Variants in ERG observed in about 807,000 individuals in gnomAD.
ERG encodes ETS transcription factor ERG.
Under a neutral mutation model 55.3 loss-of-function variants are expected in ERG, and 9 were observed. The ratio of observed to expected loss-of-function variants is 0.16; its 90% CI spans 0.10 to 0.28. ERG has a LOEUF of 0.28. ERG is among the 10% of genes least tolerant of loss of function. The pLI is 1.00. For missense variants in ERG, 434 were observed against 631.6 expected, an observed-to-expected ratio of 0.69 and a Z score of 3.35; for synonymous variants, 223 against 237.3, an observed-to-expected ratio of 0.94 and a Z score of 0.55.
intron 1 of ERG, among the ~76,000 whole-genome samples, chr21:38,453,814 G>C (rs1028455398): frequency 6.6e-6 from 1 of 151,682 alleles, no homozygotes; most frequent in African/African-American, 2.4e-5. Flanking sequence ...AACCCGGGAG[G>C]GGGAGGCTGC....
intron 2 of ERG, among the ~76,000 whole-genome samples, chr21:38,505,126 C>G (rs2059450380): frequency 6.6e-6 from 1 of 152,144 alleles, no homozygotes; most frequent in African/African-American, 2.4e-5. Flanking sequence ...TTATTTCCAT[C>G]ACAAATGGAA....
chr21:38,458,105 G>A (rs1047522254), intron 1 of ERG, among the ~76,000 whole-genome samples: 1 of 152,304 alleles, frequency 6.6e-6, no homozygotes, highest in African/African-American at 2.4e-5. Context: ...CCAGCCGACT[G>A]GAGCACTGAG....
chr21:38,475,341 C>T (rs1159668137), intron 1 of ERG, among the ~76,000 whole-genome samples: 1 of 152,116 alleles, frequency 6.6e-6, no homozygotes, highest in African/African-American at 2.4e-5. Flanking sequence ...TAGTAGCAAC[C>T]CATGACCAAG....
At chr21:38,396,434 C>A (rs1250101175) in intron 6 of ERG, among the ~76,000 whole-genome samples, 2 of 152,214 alleles carry the variant, frequency 1.3e-5, no homozygotes, top group African/African-American at 4.8e-5. Context: ...TCTCACTATG[C>A]CTAGCTGTGC....
Position 38,382,733 on chromosome 21 carries a change from T to A in ERG, c.*670A>T, listed in dbSNP as rs2146409037. On this transcript the variant is annotated 3_prime_UTR_variant, in exon 10 of 10. Transcript: ENST00000288319. ...TGTCTACAATCACACGCTCACTCTATACACATCCTCAGTCCCACCTTTTAG... is the reference window on the plus strand; with the variant it reads ...TGTCTACAATCACACGCTCACTCTAAACACATCCTCAGTCCCACCTTTTAG... 1 of 1,066,414 alleles carries A rather than the reference T, an allele frequency of 9.4e-7. No homozygotes were observed. Among genetic ancestry groups the A allele is most frequent in the South Asian group, 4.5e-5 (1 of 21,982 alleles). 66.1% of individuals were successfully genotyped at this position (1,066,414 alleles called of 1,614,324 possible). A position where few individuals can be genotyped will look rare whatever the true frequency, so the allele number is the denominator to read the frequency against.
At chr21:38,637,306 C>T (rs780850685) in intron 1 of ERG, among the ~76,000 whole-genome samples, 1 of 152,118 alleles carries the variant, frequency 6.6e-6, no homozygotes, top group Admixed American at 6.5e-5. Context: ...GCAAACGGAA[C>T]CTGACTGAAT....
intron 1 of ERG, among the ~76,000 whole-genome samples, chr21:38,593,035 G>A (rs1425025796): frequency 1.3e-5 from 2 of 152,194 alleles, no homozygotes; most frequent in Non-Finnish European, 2.9e-5. Context: ...AGCCCAAGAC[G>A]TTCTTGGACC....
chr21:38,602,205 G>A (rs2060168312), intron 1 of ERG, among the ~76,000 whole-genome samples: 1 of 152,154 alleles, frequency 6.6e-6, no homozygotes, highest in African/African-American at 2.4e-5. Flanking sequence ...AGCACTTTGG[G>A]AGGCTGTGGC....
intron 6 of ERG, among the ~76,000 whole-genome samples, chr21:38,396,611 T>A (rs937263566): frequency 7.2e-5 from 11 of 152,176 alleles, no homozygotes; most frequent in African/African-American, 2.7e-4. Flanking sequence ...TGGGTTGTCA[T>A]GGGGATGGAA....
intron 1 of ERG, among the ~76,000 whole-genome samples, chr21:38,478,894 C>T (rs114477057): frequency 2.0e-5 from 3 of 152,254 alleles, no homozygotes; most frequent in African/African-American, 7.2e-5. Context: ...TTAGTCCAGG[C>T]TTGACACATA....
In ERG at chr21:38,592,025, G is replaced by T. The variant is rs191268506; in HGVS notation, c.-149-7080C>A. ...CGTTACTGTCTGGGGAAGAGGTAGA[G>T]GAAATGCCATGTTTCACAGCACAAT... On this transcript the variant is annotated intron_variant, in intron 1 of 10. Transcript: ENST00000398910. 1.4e-3 allele frequency among the ~76,000 whole-genome samples: 215 copies of T among 152,336 alleles called. 1 individual carries two copies. Among genetic ancestry groups the T allele is most frequent in the African/African-American group, 4.6e-3 (191 of 41,568 alleles).
intron 3 of ERG, among the ~76,000 whole-genome samples, chr21:38,418,131 CAA>C (rs539605052): frequency 1.0e-3 from 156 of 152,156 alleles, no homozygotes; most frequent in Non-Finnish European, 1.8e-3. Context: ...AAAAATAATT[CAA>C]GTCTATTAAA....
At chr21:38,440,871 C>CCAAG (rs1038474531) in intron 2 of ERG, among the ~76,000 whole-genome samples, 2 of 151,750 alleles carry the variant, frequency 1.3e-5, no homozygotes, top group African/African-American at 2.4e-5. Flanking sequence ...TTTGTCTGCC[C>CCAAG]CAAGGCTGCC....
chr21:38,579,312 T>A (rs1188529916), intron 1 of ERG, among the ~76,000 whole-genome samples: 2 of 152,034 alleles, frequency 1.3e-5, no homozygotes, highest in African/African-American at 4.8e-5. Flanking sequence ...AGTACTCAGG[T>A]TGCATCAAGT....
chr21:38,502,563 G>C (rs1053086764), upstream of ERG: 2 of 153,484 alleles, frequency 1.3e-5, no homozygotes, highest in African/African-American at 4.8e-5. Flanking sequence ...AACAGTATTG[G>C]AACGGTGGTA....
At chr21:38,652,219 C>T (rs1348533832) in intron 1 of ERG, among the ~76,000 whole-genome samples, 1 of 152,116 alleles carries the variant, frequency 6.6e-6, no homozygotes, top group African/African-American at 2.4e-5. Context: ...CCTGACTCCT[C>T]CACCCTCCCG....
At chr21:38,503,952 C>T (rs1019288955) in intron 2 of ERG, among the ~76,000 whole-genome samples, 59 of 152,150 alleles carry the variant, frequency 3.9e-4, no homozygotes, top group African/African-American at 1.4e-3. Context: ...TCACAGCATA[C>T]TTCATGATTA....
rs948208790 is a variant in ERG, at chr21:38,460,093, C to T, written c.19-14472G>A. 4.6e-5 allele frequency among the ~76,000 whole-genome samples: 7 copies of T among 152,128 alleles called. No homozygotes were observed. The highest frequency in any genetic ancestry group is 2.1e-4 in the South Asian group (1 of 4,820). On this transcript the variant is annotated intron_variant, in intron 1 of 9. Transcript: ENST00000288319. This position sits in a 1 kb window ranked among gnomAD's most constrained non-coding sequence, Gnocchi z 5.0. Reference sequence around the variant, plus strand: ...AACGCGAAGGAGGGGAGGGTGTGAGCCCCCATGCATTCATGAAGAATAGGC... The same window carrying T: ...AACGCGAAGGAGGGGAGGGTGTGAGTCCCCATGCATTCATGAAGAATAGGC...
chr21:38,502,259 T>C (rs778414569), upstream of ERG, among the ~76,000 whole-genome samples: 1 of 152,174 alleles, frequency 6.6e-6, no homozygotes, highest in Non-Finnish European at 1.5e-5. Flanking sequence ...CTTAGCAATA[T>C]GGAAAACTGC....
Sources: allele counts gnomAD v4.1 joint callset (sites outside exome capture counted in the v4.1 genomes callset), GRCh38; gene constraint gnomAD v4.1.1; non-coding constraint Gnocchi (gnomAD v3.1); transcripts MANE v1.5; gene names NCBI Gene and HGNC (gene_info 2026-07-23, HGNC 2026-07-21).